The following ADGRB3 variants were observed in gnomAD, a reference collection of about 807,000 sequenced individuals.
ADGRB3 encodes the protein brain-specific angiogenesis inhibitor 3.
Under a neutral mutation model 193.4 loss-of-function variants are expected in ADGRB3, and 37 were observed. The observed-to-expected ratio is 0.19, with a 90% CI of 0.15 to 0.25. The LOEUF (loss-of-function observed/expected upper bound fraction) is 0.25, where lower values mean the gene tolerates loss of function less well. ADGRB3 is among the 10% of genes least tolerant of loss of function. ADGRB3 has a pLI of 1.00. For synonymous variants in ADGRB3, 690 were observed against 644.2 expected, an observed-to-expected ratio of 1.07 and a Z score of -1.08; for missense variants, 1,637 against 1,852.9, an observed-to-expected ratio of 0.88 and a Z score of 2.14.
At chr6:68,848,449 G>T (rs1768329037) in intron 3 of ADGRB3, among the ~76,000 whole-genome samples, 1 of 151,972 alleles carries the variant, frequency 6.6e-6, no homozygotes, top group African/African-American at 2.4e-5. Flanking sequence ...CATTTAAAAT[G>T]AGCTTTTAAT....
chr6:69,094,204 A>G (rs1020406307), intron 17 of ADGRB3, among the ~76,000 whole-genome samples: 8 of 152,196 alleles, frequency 5.3e-5, no homozygotes, highest in African/African-American at 1.7e-4. Context: ...AATGAGTCTC[A>G]GGTAGGTCTG....
intron 8 of ADGRB3, among the ~76,000 whole-genome samples, chr6:68,966,052 C>T (rs1341485280): frequency 2.6e-5 from 4 of 152,260 alleles, no homozygotes; most frequent in Non-Finnish European, 4.4e-5. Flanking sequence ...GGCATCTCCT[C>T]TCCCAAGTCA....
At chr6:69,163,471 A>C (rs1775050232) in intron 17 of ADGRB3, among the ~76,000 whole-genome samples, 1 of 152,160 alleles carries the variant, frequency 6.6e-6, no homozygotes, top group African/African-American at 2.4e-5. Flanking sequence ...GCTACTCAAA[A>C]AACCTTCAAG....
chr6:68,721,323 G>C (rs1422662879), intron 3 of ADGRB3, among the ~76,000 whole-genome samples: 2 of 151,946 alleles, frequency 1.3e-5, no homozygotes, highest in East Asian at 3.9e-4. Context: ...CACGTCCTTT[G>C]TAGGGACATG....
intron 17 of ADGRB3, among the ~76,000 whole-genome samples, chr6:69,203,152 T>G (rs933070298): frequency 6.6e-6 from 1 of 152,120 alleles, no homozygotes; most frequent in Admixed American, 6.6e-5. Flanking sequence ...ACAAAAAAGC[T>G]ACTTTTGAAA....
chr6:68,904,620 T>G (rs1766493081), intron 3 of ADGRB3, among the ~76,000 whole-genome samples: 1 of 152,208 alleles, frequency 6.6e-6, no homozygotes, highest in South Asian at 2.1e-4. Flanking sequence ...CCTTGGTGAT[T>G]CTTCCAGGCC....
At chr6:68,861,451 G>A (rs1193137857) in intron 3 of ADGRB3, among the ~76,000 whole-genome samples, 7 of 152,070 alleles carry the variant, frequency 4.6e-5, no homozygotes, top group African/African-American at 7.2e-5. Flanking sequence ...AGTCCCAGCT[G>A]CTCGGGAGGT....
chr6:69,274,381 G>T (rs958660183), intron 20 of ADGRB3, among the ~76,000 whole-genome samples: 3 of 151,842 alleles, frequency 2.0e-5, no homozygotes, highest in Non-Finnish European at 2.9e-5. Context: ...TACCGAAGCA[G>T]CGGACAGCAC....
chr6:68,689,361 A>G (rs566668244), intron 3 of ADGRB3, among the ~76,000 whole-genome samples: 1 of 152,260 alleles, frequency 6.6e-6, no homozygotes, highest in South Asian at 2.1e-4. Flanking sequence ...TGCTGCTAAT[A>G]TGAGCTAGGG....
chr6:68,906,834 A>G (rs1299954487), intron 3 of ADGRB3, among the ~76,000 whole-genome samples: 2 of 152,004 alleles, frequency 1.3e-5, no homozygotes, highest in Non-Finnish European at 2.9e-5. Context: ...AATTTTATTC[A>G]TAATGTTTCT....
chr6:69,029,828 C>T (rs1466179987), intron 13 of ADGRB3, among the ~76,000 whole-genome samples: 1 of 151,968 alleles, frequency 6.6e-6, no homozygotes, highest in Non-Finnish European at 1.5e-5. Flanking sequence ...TAGTTTCTTA[C>T]ATGTTAACAC....
At chr6:68,777,667 C>G (rs1436899674) in intron 3 of ADGRB3, among the ~76,000 whole-genome samples, 4 of 89,444 alleles carry the variant, frequency 4.5e-5, no homozygotes, top group Admixed American at 1.2e-4. Context: ...TCTCTGGGAT[C>G]TAAAAAAAAA....
At chr6:69,171,279 A>G (rs1775264415) in intron 17 of ADGRB3, among the ~76,000 whole-genome samples, 1 of 152,164 alleles carries the variant, frequency 6.6e-6, no homozygotes, top group Admixed American at 6.5e-5. Context: ...TTGAATTTGT[A>G]TGGATTTTAG....
intron 30 of ADGRB3, among the ~76,000 whole-genome samples, chr6:69,380,598 G>T (rs1036786796): frequency 2.6e-5 from 4 of 151,910 alleles, no homozygotes; most frequent in Non-Finnish European, 5.9e-5. Context: ...AGACAAATAA[G>T]ACCATGGGAA....
chr6:68,856,637 T>A (rs937621972), intron 3 of ADGRB3, among the ~76,000 whole-genome samples: 5 of 151,390 alleles, frequency 3.3e-5, no homozygotes, highest in Non-Finnish European at 7.4e-5. Flanking sequence ...ATAGGTGACT[T>A]GGAGGCTGTT....
At chr6:68,994,010 AG>A (rs761652500) in intron 11 of ADGRB3, 48 bp downstream of exon 11, 1 of 1,586,882 alleles carries the variant, frequency 6.3e-7, no homozygotes, top group Non-Finnish European at 8.6e-7. Flanking sequence ...AGATGCAATC[AG>A]TTTTTGGTCC....
chr6:69,042,021 A>C (rs556592930), intron 13 of ADGRB3, among the ~76,000 whole-genome samples: 118 of 152,248 alleles, frequency 7.8e-4, no homozygotes, highest in African/African-American at 2.3e-3. Context: ...GTAGCATGGG[A>C]GTGGTTCACC....
intron 3 of ADGRB3, among the ~76,000 whole-genome samples, chr6:68,772,932 T>TAC (rs1766665736): frequency 1.3e-4 from 6 of 47,864 alleles, no homozygotes; most frequent in East Asian, 6.3e-4. Flanking sequence ...TATATATATA[T>TAC]ACATACACAC....
At chr6:68,639,962 C>A (rs1768044996) in intron 3 of ADGRB3, among the ~76,000 whole-genome samples, 1 of 152,080 alleles carries the variant, frequency 6.6e-6, no homozygotes, top group Non-Finnish European at 1.5e-5. Flanking sequence ...CTGTTTGGAC[C>A]AAATGACTTC....
Sources: gnomAD v4.1 joint callset for allele counts (sites outside exome capture counted in the v4.1 genomes callset) on GRCh38, gnomAD v4.1.1 for gene constraint, MANE v1.5 for transcripts, NCBI Gene and HGNC (gene_info 2026-07-23, HGNC 2026-07-21) for gene names.